Variants in SLC43A3 observed in about 807,000 individuals in gnomAD.
SLC43A3 encodes the protein equilibrative nucleobase transporter 1.
SLC43A3 carries 33 observed loss-of-function variants against 53.3 expected under a neutral mutation model. That is an observed-to-expected ratio of 0.62 (90% CI 0.47 to 0.83). The LOEUF (loss-of-function observed/expected upper bound fraction) is 0.83, where lower values mean the gene tolerates loss of function less well. Ranked by LOEUF, SLC43A3 falls within the 40% of genes least tolerant of loss-of-function variation. The probability of loss-of-function intolerance (pLI) is 0.00; values close to 1 mark genes in which losing one functional copy is unlikely to be tolerated. For synonymous variants in SLC43A3, 236 were observed against 246.2 expected (o/e 0.96, Z 0.39); for missense variants, 530 against 610.0 (o/e 0.87, Z 1.38).
chr11:57,412,875 T>C (rs1237350429), intron 11 of SLC43A3, among the ~76,000 whole-genome samples: 2 of 151,834 alleles, frequency 1.3e-5, no homozygotes, highest in South Asian at 2.1e-4. Context: ...GGCCTAGGCA[T>C]TGATCATTAA....
rs1475907606 is a variant in SLC43A3, at chr11:57,427,022, C to CGGCGCCCCAT, written c.-246+30_-246+39dup. On this transcript the variant is annotated intron_variant, in intron 1 of 13. Coordinates refer to ENST00000395124, the MANE Select transcript of SLC43A3 (RefSeq NM_199329.3). ...GGAGCCCGAGGGGCCAGGCCGCGCT[C>CGGCGCCCCAT]GGCGCCCCATGGCGCCCGAAAGGGG... The CGGCGCCCCAT allele has an allele frequency of 3.9e-5, 6 of 152,274 alleles. No individual in the cohort carries two copies. In the East Asian group the frequency reaches 9.7e-4, roughly 25 times the overall value. The allele number at this position is 152,274 out of a possible 1,614,324, so 9.4% of individuals were successfully genotyped here.
Position 57,407,888 on chromosome 11 carries a change from C to T in SLC43A3, c.1380G>A (p.Val460=). The T allele has an allele frequency of 6.2e-7, 1 of 1,608,480 alleles. No individual in the cohort carries two copies. The highest frequency in any genetic ancestry group is 1.1e-5 in the South Asian group (1 of 90,954). Residue 460 remains valine (V), a synonymous_variant, in exon 14 of 14, where the codon GTG becomes GTA. Transcript: ENST00000395124. ...SLQNDPFYVN[V]MFMLAILLTF... is the part of the protein sequence containing the mutation. ...TCAGAAGAATGGCAAGCATGAACAT[C>T]ACATTCACCTGCAGGGAGAGCAGAA...
chr11:57,417,734 C>A lies in SLC43A3; in HGVS notation c.671+14G>T. The A allele has an allele frequency of 6.2e-7, 1 of 1,613,900 alleles. No individual in the cohort carries two copies. The highest frequency in any genetic ancestry group is 1.6e-4 in the Middle Eastern group (1 of 6,062). On this transcript the variant is annotated intron_variant, in intron 8 of 13. Coordinates refer to ENST00000395124, the MANE Select transcript of SLC43A3 (RefSeq NM_199329.3). Reference sequence around the variant, plus strand: ...ATGAGGGGCTCTGGCCCACAATCACCAGATAGTCCTTACCCATAGCTGTAG... The same window carrying A: ...ATGAGGGGCTCTGGCCCACAATCACAAGATAGTCCTTACCCATAGCTGTAG...
chr11:57,414,536 C>T (rs557082248), intron 11 of SLC43A3, 79 bp downstream of exon 11: 14 of 556,278 alleles, frequency 2.5e-5, no homozygotes, highest in Admixed American at 1.8e-4. Flanking sequence ...AAAAAAAGAG[C>T]GAGAGAAGAT....
At chr11:57,424,170 G>A (rs1943105595) in intron 4 of SLC43A3, 142 bp from the exon 5 acceptor site, 1 of 777,538 alleles carries the variant, frequency 1.3e-6, no homozygotes. Flanking sequence ...TGATGCCTCT[G>A]AGCCCCAGGC....
chr11:57,414,516 A>G (rs1942625577), intron 11 of SLC43A3, 99 bp downstream of exon 11: 3 of 609,344 alleles, frequency 4.9e-6, no homozygotes, highest in Admixed American at 3.0e-5. Flanking sequence ...CAAAAAAAAA[A>G]AAAAAAAAAA....
At chr11:57,425,693 C>T in intron 3 of SLC43A3, 23 bp from the exon 4 acceptor site, 1 of 1,613,326 alleles carries the variant, frequency 6.2e-7, no homozygotes, top group East Asian at 2.2e-5. Flanking sequence ...AAAGGTCTCC[C>T]ATGCATCCCA....
chr11:57,420,792 T>C (rs950545996), intron 7 of SLC43A3, among the ~76,000 whole-genome samples, 180 bp downstream of exon 7: 1 of 152,244 alleles, frequency 6.6e-6, no homozygotes, highest in African/African-American at 2.4e-5. Flanking sequence ...GTATCATGGC[T>C]ACTAGCTGCA....
At chr11:57,418,140 C>T (rs1023570082) in intron 7 of SLC43A3, among the ~76,000 whole-genome samples, 1 of 152,150 alleles carries the variant, frequency 6.6e-6, no homozygotes, top group Non-Finnish European at 1.5e-5. Context: ...CCAGCCTTGA[C>T]AACATAGTGA....
chr11:57,424,610 G>C (rs1425929041), intron 4 of SLC43A3, among the ~76,000 whole-genome samples: 1 of 151,148 alleles, frequency 6.6e-6, no homozygotes, highest in Non-Finnish European at 1.5e-5. Flanking sequence ...GTAAGGCATG[G>C]AGTAAAAAAA....
rs1036587497 is a variant in SLC43A3, at chr11:57,409,240, C to G, written c.1306G>C (p.Val436Leu). The change falls in exon 13 of 14, where the codon GTG (valine) becomes CTG (leucine). Residue 436 changes from valine (V) to leucine (L), a missense_variant. Coordinates refer to ENST00000395124, the MANE Select transcript of SLC43A3 (RefSeq NM_199329.3). The stretch of plus-strand genomic sequence containing the variant: ...AAGATGGGGAACTGGAGCAGAGACA[C>G]CACAGCCGACAAGGCCATCACCAGC... ...FGLVMALSAV[V>L]SLLQFPIFTL... 2 of 1,614,048 alleles carry G rather than the reference C, an allele frequency of 1.2e-6. No individual in the cohort carries two copies. Among genetic ancestry groups the G allele is most frequent in the Non-Finnish European group, 1.7e-6 (2 of 1,180,012 alleles).
chr11:57,409,192 G>A lies in SLC43A3; in HGVS notation c.1354C>T (p.Gln452Ter). The A allele has an allele frequency of 6.2e-7, 1 of 1,614,212 alleles. No individual in the cohort carries two copies. Among genetic ancestry groups the A allele is most frequent in the Non-Finnish European group, 8.5e-7 (1 of 1,180,020 alleles). Residue 452 changes from glutamine (Q) to a stop codon, truncating the protein, a stop_gained, in exon 13 of 14, where the codon CAG becomes TAG. Transcript: ENST00000395124. LOFTEE classifies it low-confidence loss of function (END_TRUNC). ...PIFTLIKGSL[Q>*]NDPFYVNVMF... is the part of the protein sequence containing the mutation. ...GTACTCACGTAAAATGGGTCATTCT[G>A]AAGGGAGCCTTTGATGAGGGTGAAG...
At position 57,426,336 on chromosome 11, in the gene SLC43A3, G is replaced by A. The variant is rs142155336; in HGVS notation, c.-164C>T. 689 of 626,632 alleles carry A rather than the reference G, an allele frequency of 1.1e-3. 1 individual carries two copies. In the African/African-American group the frequency reaches 0.011, roughly 10 times the overall value. The allele number at this position is 626,632 out of a possible 1,614,324, so 38.8% of individuals were successfully genotyped here. On this transcript the variant is annotated 5_prime_UTR_variant, in exon 3 of 14. Coordinates refer to ENST00000395124, the MANE Select transcript of SLC43A3 (RefSeq NM_199329.3). ...TCAGGCCTGGGCAAAAACCATCAGC[G>A]GGTGATTCTCTGGATCCTGTAGAAT... is the stretch of plus-strand genomic sequence containing the variant.
At position 57,414,943 on chromosome 11, in the gene SLC43A3, G is replaced by T; in HGVS notation, c.933C>A (p.Asp311Glu). The T allele has an allele frequency of 6.2e-7, 1 of 1,612,766 alleles. No individual in the cohort carries two copies. The highest frequency in any genetic ancestry group is 8.5e-7 in the Non-Finnish European group (1 of 1,180,018). Residue 311 changes from aspartate to glutamate, a missense_variant, in exon 10 of 14, where the codon GAC becomes GAA. Asp to Glu is a conservative substitution (Grantham distance 45). Transcript: ENST00000395124. ...NSLLTNMAGG[D>E]MARVSTYTNA... ...AGCCCTACCACATACCTCGTGCCAT[G>T]TCCCCACCGGCCATGTTGGTCAGCA...
intron 9 of SLC43A3, 129 bp from the exon 10 acceptor site, chr11:57,415,235 C>T (rs143056589): frequency 1.9e-6 from 3 of 1,540,270 alleles, no homozygotes; most frequent in African/African-American, 2.7e-5. Context: ...CAGAACTCAC[C>T]CGGCGTGCTC....
At chr11:57,412,364 C>T (rs1349145979) in intron 11 of SLC43A3, among the ~76,000 whole-genome samples, 16 of 152,064 alleles carry the variant, frequency 1.1e-4, no homozygotes, top group Non-Finnish European at 5.9e-5. Flanking sequence ...ATAAAAGAAA[C>T]AATTAGTAGC....
At position 57,414,965 on chromosome 11, in the gene SLC43A3, A is replaced by G; in HGVS notation, c.911T>C (p.Leu304Pro). Reference protein sequence around the residue: ...YLFIGTLNSLLTNMAGGDMAR... With the variant: ...YLFIGTLNSLPTNMAGGDMAR... ...CATGTCCCCACCGGCCATGTTGGTC[A>G]GCAAGGAGTTGAGAGTGCCAATGAA... Residue 304 changes from leucine to proline, a missense_variant, in exon 10 of 14, where the codon CTG becomes CCG. Leu to Pro is a moderately conservative substitution (Grantham distance 98, BLOSUM62 -3). Transcript: ENST00000395124. 6.2e-7 allele frequency: 1 copy of G among 1,613,728 alleles called. No individual in the cohort carries two copies. Among genetic ancestry groups the G allele is most frequent in the Non-Finnish European group, 8.5e-7 (1 of 1,180,038 alleles).
At chr11:57,419,098 C>T (rs554513789) in intron 7 of SLC43A3, among the ~76,000 whole-genome samples, 1 of 152,194 alleles carries the variant, frequency 6.6e-6, no homozygotes, top group South Asian at 2.1e-4. Context: ...TAGAGGAGTC[C>T]TCATACGACC....
At position 57,409,940 on chromosome 11, in the gene SLC43A3, G is replaced by A; in HGVS notation, c.1242C>T (p.Thr414=). 1 of 1,610,664 alleles carries A rather than the reference G, an allele frequency of 6.2e-7. No homozygotes were observed. Among genetic ancestry groups the A allele is most frequent in the Non-Finnish European group, 8.5e-7 (1 of 1,178,564 alleles). The change falls in exon 12 of 14, where the codon ACC becomes ACT. Residue 414 remains threonine, a synonymous_variant. Coordinates refer to ENST00000395124, the MANE Select transcript of SLC43A3 (RefSeq NM_199329.3). ...FLYGSNAAFL[T]LAFPSEHFGK... is the part of the protein sequence containing the mutation. ...CCCGCCCCAAGGCCACTTACGCAAG[G>A]GTGAGGAAGGCCGCGTTGCTCCCAT...
Sources: allele counts gnomAD v4.1 joint callset (sites outside exome capture counted in the v4.1 genomes callset), GRCh38; gene constraint gnomAD v4.1.1; transcripts MANE v1.5; gene names NCBI Gene and HGNC (gene_info 2026-07-23, HGNC 2026-07-21).